Variants in DENND4A observed in about 807,000 individuals in gnomAD.
DENND4A encodes the protein C-myc promoter-binding protein.
In DENND4A, 70 loss-of-function variants were observed where a neutral mutation model predicts 199.3. That is an observed-to-expected ratio of 0.35 (90% CI 0.29 to 0.43). The LOEUF (loss-of-function observed/expected upper bound fraction) is 0.43, where lower values mean the gene tolerates loss of function less well. Ranked by LOEUF, DENND4A falls within the 20% of genes least tolerant of loss-of-function variation. The pLI, the probability that DENND4A is intolerant of heterozygous loss-of-function variation, is 1.00. For missense variants in DENND4A, 1,723 were observed against 2,255.8 expected, an observed-to-expected ratio of 0.76 and a Z score of 4.78; for synonymous variants, 686 against 766.9, an observed-to-expected ratio of 0.89 and a Z score of 1.74.
At position 65,665,463 on chromosome 15, in the gene DENND4A, CTG is replaced by C. The variant is rs1289069197; in HGVS notation, c.5242-3_5242-2del. ...CTTCAGACATACAGTGGCGGGGAATCTGTGTTATACAATAAACATTCATTAAT... is the reference window on the plus strand; with the variant it reads ...CTTCAGACATACAGTGGCGGGGAATCTGTTATACAATAAACATTCATTAAT... On this transcript the variant is annotated splice_acceptor_variant and splice_polypyrimidine_tract_variant and intron_variant, in intron 29 of 32. Coordinates refer to ENST00000443035, the MANE Select transcript of DENND4A (RefSeq NM_001320835.1). LOFTEE classifies it high-confidence loss of function. 1 of 1,599,846 alleles carries C rather than the reference CTG, an allele frequency of 6.3e-7. No individual in the cohort carries two copies. The highest frequency in any genetic ancestry group is 8.5e-7 in the Non-Finnish European group (1 of 1,169,728).
intron 29 of DENND4A, among the ~76,000 whole-genome samples, 172 bp downstream of exon 29, chr15:65,667,277 C>T (rs918244108): frequency 1.3e-5 from 2 of 152,164 alleles, no homozygotes; most frequent in African/African-American, 4.8e-5. Context: ...CTGCAGTGAG[C>T]CGAGATAGTG....
chr15:65,701,858 T>C lies in DENND4A; in HGVS notation c.2463A>G (p.Gly821=), dbSNP rs1190406186. 2 of 1,613,790 alleles carry C rather than the reference T, an allele frequency of 1.2e-6. No homozygotes were observed. Among genetic ancestry groups the C allele is most frequent in the African/African-American group, 1.3e-5 (1 of 74,922 alleles). The change falls in exon 18 of 33, where the codon GGA becomes GGG. Residue 821 remains glycine, a synonymous_variant. Coordinates refer to ENST00000443035, the MANE Select transcript of DENND4A (RefSeq NM_001320835.1). Reference sequence around the variant, plus strand: ...CTGCAAGCACTGGCTGATCATATTGTCCACAGAGTTGCATAAGAATGCGGT... The same window carrying C: ...CTGCAAGCACTGGCTGATCATATTGCCCACAGAGTTGCATAAGAATGCGGT... ...VCYRILMQLC[G]QYDQPVLAVR... is the part of the protein sequence containing the mutation.
chr15:65,738,156 GGT>G (rs2076164212), intron 6 of DENND4A, among the ~76,000 whole-genome samples: 1 of 152,072 alleles, frequency 6.6e-6, no homozygotes, highest in Admixed American at 6.5e-5. Flanking sequence ...TGAAAGAAAA[GGT>G]GTTTTGATTA....
chr15:65,757,220 A>G (rs979900107), intron 2 of DENND4A, among the ~76,000 whole-genome samples: 5 of 142,306 alleles, frequency 3.5e-5, no homozygotes, highest in Admixed American at 2.1e-4. Context: ...CTCCTCAATA[A>G]TCAAGAGGCT....
intron 23 of DENND4A, among the ~76,000 whole-genome samples, chr15:65,682,798 T>C (rs1293098221): frequency 6.6e-6 from 1 of 152,190 alleles, no homozygotes; most frequent in Non-Finnish European, 1.5e-5. Flanking sequence ...TGTAGGGTTA[T>C]TAATTGGCCT....
chr15:65,784,012 G>C (rs955371302), intron 1 of DENND4A, among the ~76,000 whole-genome samples: 2 of 152,054 alleles, frequency 1.3e-5, no homozygotes, highest in Non-Finnish European at 2.9e-5. Context: ...TGGTGACCGA[G>C]GTTAACAATA....
chr15:65,718,265 G>A (rs2075474494), intron 12 of DENND4A, among the ~76,000 whole-genome samples: 2 of 152,078 alleles, frequency 1.3e-5, no homozygotes, highest in African/African-American at 2.4e-5. Context: ...TAGCTCATGC[G>A]TGCAATCCTA....
In DENND4A at chr15:65,740,788, C is replaced by A. The variant is rs77559483; in HGVS notation, c.631+927G>T. ...CCAACCTGGGCAACCTAAGAAAGAC[C>A]CTGTCTCTACAAAAATTTAAAAAAT... On this transcript the variant is annotated intron_variant, in intron 5 of 32. Transcript: ENST00000443035. Among the ~76,000 whole-genome samples the A allele has an allele frequency of 9.6e-3, 1,453 of 151,768 alleles. 16 individuals are homozygous for A. Among genetic ancestry groups the A allele is most frequent in the Non-Finnish European group, 0.016 (1,089 of 67,938 alleles).
intron 4 of DENND4A, among the ~76,000 whole-genome samples, chr15:65,742,644 G>A (rs2076290136): frequency 6.6e-6 from 1 of 152,082 alleles, no homozygotes; most frequent in African/African-American, 2.4e-5. Flanking sequence ...CCATGGTGTT[G>A]GCCAGGCTGG....
At chr15:65,732,862 A>T (rs747176495) in intron 7 of DENND4A, 44 bp from the exon 8 acceptor site, 1 of 1,196,108 alleles carries the variant, frequency 8.4e-7, no homozygotes, top group Non-Finnish European at 1.2e-6. Context: ...AGTGAACGTC[A>T]TATGCTATAA....
At chr15:65,712,162 T>C (rs1327802836) in intron 14 of DENND4A, among the ~76,000 whole-genome samples, 3 of 152,196 alleles carry the variant, frequency 2.0e-5, no homozygotes, top group Non-Finnish European at 4.4e-5. Flanking sequence ...TTTGATTTGT[T>C]AATTCCCTAA....
chr15:65,748,964 G>C (rs1258302210), intron 4 of DENND4A, among the ~76,000 whole-genome samples: 2 of 149,332 alleles, frequency 1.3e-5, no homozygotes, highest in Non-Finnish European at 1.5e-5. Flanking sequence ...CTATACTCCA[G>C]CCTGGGCAAC....
At chr15:65,789,724 C>A (rs575086680) in intron 1 of DENND4A, among the ~76,000 whole-genome samples, 60 of 152,154 alleles carry the variant, frequency 3.9e-4, no homozygotes, top group Non-Finnish European at 7.2e-4. Context: ...TTATTATATA[C>A]CAAACAACTC....
At chr15:65,664,984 A>G (rs1365957756) in intron 30 of DENND4A, 2 of 463,456 alleles carry the variant, frequency 4.3e-6, no homozygotes, top group Non-Finnish European at 7.5e-6. Context: ...TGAAAATTCT[A>G]AATCAGCAGC....
At chr15:65,682,201 A>G (rs1033579835) in intron 23 of DENND4A, among the ~76,000 whole-genome samples, 29 of 152,234 alleles carry the variant, frequency 1.9e-4, no homozygotes, top group Admixed American at 8.5e-4. Flanking sequence ...TCTCTCCATC[A>G]AAGTCCTAGA....
In DENND4A at chr15:65,676,512, A is replaced by G. The variant is rs1328213609; in HGVS notation, c.4302T>C (p.Ser1434=). ...LEGPISSQET[S]ATSGTKRIDL... is the part of the protein sequence containing the mutation. The stretch of plus-strand genomic sequence containing the variant: ...CAATTCTCTTAGTCCCTGAAGTAGC[A>G]CTGGTCTCTTGAGAGGAGATAGGTC... The change falls in exon 24 of 33, where the codon AGT becomes AGC. Residue 1434 remains serine (S), a synonymous_variant. Transcript: ENST00000443035. 1 of 1,613,676 alleles carries G rather than the reference A, an allele frequency of 6.2e-7. No individual in the cohort carries two copies. Among genetic ancestry groups the G allele is most frequent in the Non-Finnish European group, 8.5e-7 (1 of 1,179,810 alleles).
At chr15:65,772,060 G>T in intron 1 of DENND4A, 1 of 1,274,308 alleles carries the variant, frequency 7.8e-7, no homozygotes. Context: ...AGGAAACGCT[G>T]GGCCTTCTCG....
rs528727634 is a variant in DENND4A at position 65,737,776 on chromosome 15, G to C, written c.971C>G (p.Ala324Gly). ...CLLSHWPFFD[A>G]FRKFLTFLYR... Reference sequence around the variant, plus strand: ...CAGAAAAGTCAGAAACTTCCTGAATGCATCAAAAAAAGGCCAGTGAGAAAG... The same window carrying C: ...CAGAAAAGTCAGAAACTTCCTGAATCCATCAAAAAAAGGCCAGTGAGAAAG... Residue 324 changes from alanine to glycine, a missense_variant, in exon 7 of 33, where the codon GCA becomes GGA. Physicochemically the swap from Ala to Gly is moderately conservative, Grantham distance 60. This residue lies in a region of DENND4A where 725 missense variants were observed against 952.9 expected (regional missense o/e 0.76). Transcript: ENST00000443035. 1.3e-6 allele frequency: 2 copies of C among 1,593,968 alleles called. No individual in the cohort carries two copies. Among genetic ancestry groups the C allele is most frequent in the South Asian group, 1.1e-5 (1 of 87,554 alleles).
intron 1 of DENND4A, chr15:65,766,679 A>T (rs1596650662): frequency 6.6e-6 from 1 of 152,204 alleles, no homozygotes; most frequent in Non-Finnish European, 1.5e-5. Flanking sequence ...ACACACAGAC[A>T]TATATAGGCA....
Sources: gnomAD v4.1 joint callset for allele counts (sites outside exome capture counted in the v4.1 genomes callset) on GRCh38, gnomAD v4.1.1 for gene constraint, gnomAD v4.1.1 regional missense constraint, MANE v1.5 for transcripts, NCBI Gene and HGNC (gene_info 2026-07-23, HGNC 2026-07-21) for gene names.